OPN5: variants seen among roughly 807,000 people sequenced by gnomAD.
The protein encoded by OPN5 is opsin-5.
OPN5 carries 18 observed loss-of-function variants against 41.7 expected under a neutral mutation model. That is an observed-to-expected ratio of 0.43 (90% CI 0.30 to 0.64). OPN5 has a LOEUF of 0.64. Among genes scored for constraint, OPN5 ranks in the 30% least tolerant of loss-of-function variants. OPN5 has a pLI of 0.13. For synonymous variants in OPN5, 178 were observed against 164.3 expected (o/e 1.08, Z -0.64); for missense variants, 318 against 434.5 (o/e 0.73, Z 2.38).
intron 5 of OPN5, among the ~76,000 whole-genome samples, 169 bp downstream of exon 5, chr6:47,808,564 G>A (rs573864928): frequency 1.1e-4 from 16 of 152,256 alleles, no homozygotes; most frequent in African/African-American, 3.9e-4. Context: ...CAAGTAATCA[G>A]CTATGTAGAG....
chr6:47,783,398 C>G (rs984858852), intron 1 of OPN5, among the ~76,000 whole-genome samples: 9 of 152,026 alleles, frequency 5.9e-5, no homozygotes. Context: ...CCCTTCCTCC[C>G]TTTCTCTCTT....
chr6:47,808,251 T>C (rs1774052190), exon 5 of OPN5: 1 of 1,614,078 alleles, frequency 6.2e-7, no homozygotes, highest in Non-Finnish European at 8.5e-7. Flanking sequence ...TCCATTCCCA[T>C]ACAGCTCTCT....
At chr6:47,817,538 C>T (rs550607300) in intron 6 of OPN5, among the ~76,000 whole-genome samples, 1 of 152,062 alleles carries the variant, frequency 6.6e-6, no homozygotes, top group Non-Finnish European at 1.5e-5. Context: ...ATGTAGTCTG[C>T]AGACCCAGAG....
intron 2 of OPN5, among the ~76,000 whole-genome samples, chr6:47,789,122 T>C (rs976248622): frequency 5.3e-5 from 8 of 152,124 alleles, no homozygotes; most frequent in Non-Finnish European, 1.2e-4. Flanking sequence ...TCACTTTCAC[T>C]TGTCTTTTTG....
chr6:47,803,934 A>G (rs1481690131), intron 4 of OPN5, among the ~76,000 whole-genome samples: 1 of 152,204 alleles, frequency 6.6e-6, no homozygotes, highest in Non-Finnish European at 1.5e-5. Context: ...GAAAGGAGGG[A>G]AACTCCTTCT....
exon 3 of OPN5, chr6:47,791,945 T>C: frequency 6.2e-7 from 1 of 1,613,818 alleles, no homozygotes; most frequent in Non-Finnish European, 8.5e-7. Flanking sequence ...CCTGGATCGA[T>C]ATTTGAAAAT....
At chr6:47,817,085 T>C (rs1762450455) in intron 6 of OPN5, among the ~76,000 whole-genome samples, 1 of 152,092 alleles carries the variant, frequency 6.6e-6, no homozygotes, top group African/African-American at 2.4e-5. Flanking sequence ...GAGGAACTGA[T>C]GCTATGAGAC....
intron 2 of OPN5, among the ~76,000 whole-genome samples, chr6:47,789,476 AG>A (rs760747421): frequency 6.6e-6 from 1 of 150,660 alleles, no homozygotes; most frequent in Non-Finnish European, 1.5e-5. Flanking sequence ...TTTGTCCTCT[AG>A]CACCTTGCTC....
intron 2 of OPN5, among the ~76,000 whole-genome samples, 169 bp downstream of exon 2, chr6:47,786,803 C>T (rs1367995396): frequency 6.6e-6 from 1 of 152,158 alleles, no homozygotes; most frequent in Non-Finnish European, 1.5e-5. Context: ...GGGGTGCTGT[C>T]CGGCTGACAA....
At chr6:47,802,677 G>GCCC (rs1773820305) in intron 4 of OPN5, among the ~76,000 whole-genome samples, 1 of 152,090 alleles carries the variant, frequency 6.6e-6, no homozygotes, top group Non-Finnish European at 1.5e-5. Flanking sequence ...CCACTTCAAG[G>GCCC]GCTTTGGGCC....
chr6:47,795,834 G>A (rs192133444), intron 4 of OPN5, among the ~76,000 whole-genome samples: 2 of 150,298 alleles, frequency 1.3e-5, no homozygotes, highest in African/African-American at 4.9e-5. Context: ...TACAAAATTT[G>A]TATAACCCAT....
intron 3 of OPN5, among the ~76,000 whole-genome samples, chr6:47,792,926 TTGGG>T (rs1773427260): frequency 6.6e-6 from 1 of 151,780 alleles, no homozygotes; most frequent in African/African-American, 2.4e-5. Context: ...GAATCCATGC[TTGGG>T]TGGGTGGGAG....
intron 6 of OPN5, among the ~76,000 whole-genome samples, chr6:47,814,335 C>T (rs1762367891): frequency 6.6e-6 from 1 of 151,898 alleles, no homozygotes. Flanking sequence ...GATAGTTTAA[C>T]TGTTTAAAAA....
chr6:47,782,206 C>T lies in OPN5; in HGVS notation c.130+10C>T, dbSNP rs1773108985. ...TACCTAACAATAATTGGTAAGCTTC[C>T]TTAATTCTTCTGTGCAAAGGCTGCA... is the stretch of plus-strand genomic sequence containing the variant. On this transcript the variant is annotated intron_variant, in intron 1 of 6. Coordinates refer to ENST00000371211, the Ensembl canonical transcript of OPN5. The T allele has an allele frequency of 6.2e-7, 1 of 1,611,866 alleles. No homozygotes were observed. Among genetic ancestry groups the T allele is most frequent in the African/African-American group, 1.3e-5 (1 of 74,820 alleles).
chr6:47,812,246 T>C (rs1762268010), intron 6 of OPN5, among the ~76,000 whole-genome samples: 1 of 152,140 alleles, frequency 6.6e-6, no homozygotes, highest in Non-Finnish European at 1.5e-5. Context: ...AAAGGAGTCC[T>C]CTGGGGAAAT....
chr6:47,812,685 G>A (rs73471982), intron 6 of OPN5, among the ~76,000 whole-genome samples: 8,783 of 152,132 alleles, frequency 0.058, 352 homozygotes, highest in African/African-American at 0.1. Context: ...GATAAGCAGG[G>A]CCATCTACAT....
At chr6:47,822,333 T>C (rs1762652983) in intron 6 of OPN5, among the ~76,000 whole-genome samples, 1 of 152,126 alleles carries the variant, frequency 6.6e-6, no homozygotes, top group South Asian at 2.1e-4. Flanking sequence ...TTGTTATTCA[T>C]TGAATGTGGA....
chr6:47,823,670 T>C (rs1338736944), intron 6 of OPN5: 1 of 469,080 alleles, frequency 2.1e-6, no homozygotes, highest in Non-Finnish European at 3.8e-6. Context: ...GAGTTTGCAT[T>C]TCATTCTAGG....
intron 6 of OPN5, among the ~76,000 whole-genome samples, chr6:47,814,737 A>G (rs893465666): frequency 2.0e-5 from 3 of 152,158 alleles, no homozygotes; most frequent in Admixed American, 6.6e-5. Context: ...ACAGACCTCA[A>G]ACACATCTAC....
Sources: gnomAD v4.1 joint callset for allele counts (sites outside exome capture counted in the v4.1 genomes callset) on GRCh38, gnomAD v4.1.1 for gene constraint, MANE v1.5 for transcripts, NCBI Gene and HGNC (gene_info 2026-07-23, HGNC 2026-07-21) for gene names.